CUX1: variants seen among roughly 807,000 people sequenced by gnomAD.
CUX1 encodes the protein cut like homeobox 1.
Under a neutral mutation model 158.8 loss-of-function variants are expected in CUX1, and 31 were observed. The observed-to-expected ratio is 0.20, with a 90% CI of 0.15 to 0.26. The LOEUF (loss-of-function observed/expected upper bound fraction) is 0.26. Ranked by LOEUF, CUX1 falls within the 10% of genes least tolerant of loss-of-function variation. CUX1 has a pLI of 1.00. For missense variants in CUX1, 1,589 were observed against 2,014.6 expected (o/e 0.79, Z 4.04); for synonymous variants, 879 against 862.1 (o/e 1.02, Z -0.34).
chr7:101,947,802 A>G (rs1808577437), intron 2 of CUX1, among the ~76,000 whole-genome samples: 1 of 152,230 alleles, frequency 6.6e-6, no homozygotes, highest in Non-Finnish European at 1.5e-5. Context: ...TTACTTAGCC[A>G]TTCCACTGGC....
chr7:102,084,858 C>CTTTTTTTTTTTTTTTTTTTT (rs60908109), intron 4 of CUX1, among the ~76,000 whole-genome samples: 1 of 56,048 alleles, frequency 1.8e-5, no homozygotes, highest in Non-Finnish European at 3.3e-5. Context: ...ATTTTCCTTG[C>CTTTTTTTTTTTTTTTTTTTT]TTTTTTTTTT....
rs1353307850 is a variant in CUX1 at position 102,234,133 on chromosome 7, A to G, written c.3515A>G (p.His1172Arg). Residue 1172 changes from histidine to arginine, a missense_variant, in exon 22 of 24, where the codon CAT becomes CGT. By Grantham distance (29) the His-to-Arg change is conservative. Around this residue, in one of 8 missense-constraint regions of CUX1, gnomAD observed 259 missense variants for 373.8 expected, o/e 0.69. Transcript: ENST00000292535. ...SDLLARPKPW[H>R]KLSLKGREPF... Reference sequence around the variant, plus strand: ...CTCCTTGCCCGCCCCAAACCCTGGCATAAGCTCAGTCTGAAAGGACGAGAG... The same window carrying G: ...CTCCTTGCCCGCCCCAAACCCTGGCGTAAGCTCAGTCTGAAAGGACGAGAG... The G allele has an allele frequency of 1.9e-6, 3 of 1,603,260 alleles. No individual in the cohort carries two copies. Among genetic ancestry groups the G allele is most frequent in the Non-Finnish European group, 2.6e-6 (3 of 1,175,594 alleles).
intron 2 of CUX1, among the ~76,000 whole-genome samples, chr7:101,946,544 C>CAAAAA (rs386410843): frequency 3.8e-5 from 3 of 78,160 alleles, no homozygotes; most frequent in African/African-American, 5.6e-5. Flanking sequence ...GACTCCGTCT[C>CAAAAA]AAAAAAAAAA....
chr7:101,831,918 A>G (rs1252190267), intron 1 of CUX1, among the ~76,000 whole-genome samples: 2 of 147,570 alleles, frequency 1.4e-5, no homozygotes, highest in East Asian at 2.0e-4. Context: ...ACTTTTTTGT[A>G]TTTTTTGTAG....
At position 102,248,815 on chromosome 7, in the gene CUX1, G is replaced by GGCCCCGCGGCCCCGA. The variant is rs1359496482; in HGVS notation, c.4294_4308dup (p.Pro1432_Ser1436dup). Reference sequence around the variant, plus strand: ...CTCAGCCGCCGCCGCGCCGGGGGAGGGCCCCGCGGCCCCGAGCTCCGCGCC... The same window carrying GGCCCCGCGGCCCCGA: ...CTCAGCCGCCGCCGCGCCGGGGGAGGGCCCCGCGGCCCCGAGCCCCGCGGCCCCGAGCTCCGCGCC... On this transcript the variant is annotated inframe_insertion, in exon 24 of 24. Transcript: ENST00000292535. The surrounding 1 kb of genome is among the most constrained non-coding windows in gnomAD (Gnocchi z 5.8). 28 of 1,127,046 alleles carry GGCCCCGCGGCCCCGA rather than the reference G, an allele frequency of 2.5e-5. No individual in the cohort carries two copies. The East Asian group carries it at 1.2e-3, about 48-fold the overall frequency. 69.8% of individuals were successfully genotyped at this position (1,127,046 alleles called of 1,614,324 possible).
At chr7:102,006,194 A>C (rs1022223017) in intron 2 of CUX1, among the ~76,000 whole-genome samples, 8 of 152,252 alleles carry the variant, frequency 5.3e-5, no homozygotes, top group African/African-American at 1.7e-4. Flanking sequence ...CGCGGGGTCC[A>C]CTGGCTCGGA....
At position 102,111,785 on chromosome 7, in the gene CUX1, C is replaced by G. The variant is rs2131076001; in HGVS notation, c.607+11C>G. On this transcript the variant is annotated intron_variant, in intron 7 of 23. Transcript: ENST00000292535. ...AGAGCCTACAAACAGGTTTGATACTCTCCTTCCTAGTACCATGGATGTGGG... is the reference window on the plus strand; with the variant it reads ...AGAGCCTACAAACAGGTTTGATACTGTCCTTCCTAGTACCATGGATGTGGG... 6.2e-7 allele frequency: 1 copy of G among 1,611,520 alleles called. No individual in the cohort carries two copies. The highest frequency in any genetic ancestry group is 2.2e-5 in the East Asian group (1 of 44,874).
At chr7:101,977,341 C>T (rs569962603) in intron 2 of CUX1, among the ~76,000 whole-genome samples, 1 of 152,170 alleles carries the variant, frequency 6.6e-6, no homozygotes, top group Non-Finnish European at 1.5e-5. Context: ...CCTACATTGG[C>T]TGCCACTCCT....
chr7:102,064,547 G>A (rs759069399), intron 3 of CUX1, among the ~76,000 whole-genome samples: 9 of 151,884 alleles, frequency 5.9e-5, no homozygotes, highest in Non-Finnish European at 2.9e-5. Context: ...TCCAAGGCAT[G>A]CAGTGGATGG....
At position 101,902,335 on chromosome 7, in the gene CUX1, A is replaced by C. The variant is rs573360543; in HGVS notation, c.31-13780A>C. On this transcript the variant is annotated intron_variant, in intron 1 of 23. Coordinates refer to ENST00000292535, the MANE Select transcript of CUX1 (RefSeq NM_181552.4). ...AATGGTTAATAGCGTTATCCTCAGG[A>C]CCTGGGGGTCATTGGAGGCCAGCAC... 2.5e-4 allele frequency among the ~76,000 whole-genome samples: 38 copies of C among 152,172 alleles called. No homozygotes were observed. The South Asian group carries it at 2.7e-3, about 11-fold the overall frequency.
At chr7:102,174,711 C>T (rs113300211) in intron 10 of CUX1, among the ~76,000 whole-genome samples, 9,906 of 152,208 alleles carry the variant, frequency 0.065, 444 homozygotes, top group African/African-American at 0.12. Context: ...TTTGGGAGGC[C>T]AAGGCAGGCG....
At chr7:102,174,342 C>T (rs1356885425) in intron 10 of CUX1, among the ~76,000 whole-genome samples, 1 of 152,148 alleles carries the variant, frequency 6.6e-6, no homozygotes, top group East Asian at 1.9e-4. Context: ...TGGTCTCAAA[C>T]TCCTGACCTC....
intron 2 of CUX1, among the ~76,000 whole-genome samples, chr7:101,927,208 A>C (rs995308805): frequency 6.6e-6 from 1 of 152,014 alleles, no homozygotes; most frequent in African/African-American, 2.4e-5. Context: ...TGAAATAACC[A>C]TTGATTAATT....
intron 14 of CUX1, 73 bp downstream of exon 14, chr7:102,195,676 G>C: frequency 1.5e-6 from 2 of 1,372,660 alleles, no homozygotes; most frequent in Non-Finnish European, 2.0e-6. Context: ...CGAGGAAGGT[G>C]AATCGTGAGT....
At chr7:102,148,916 A>G (rs1554502830) in intron 8 of CUX1, among the ~76,000 whole-genome samples, 1 of 151,642 alleles carries the variant, frequency 6.6e-6, no homozygotes, top group East Asian at 1.9e-4. Flanking sequence ...GAGTGAGAAC[A>G]TACAATGTTT....
chr7:101,907,722 C>T (rs575552668), intron 1 of CUX1, among the ~76,000 whole-genome samples: 2 of 151,880 alleles, frequency 1.3e-5, no homozygotes, highest in South Asian at 2.1e-4. Flanking sequence ...ATGGAGCCCA[C>T]GAAGAGAACA....
chr7:102,146,562 C>T (rs1482959634), intron 8 of CUX1, among the ~76,000 whole-genome samples: 1 of 152,152 alleles, frequency 6.6e-6, no homozygotes, highest in Non-Finnish European at 1.5e-5. Flanking sequence ...GAGGCTTAAC[C>T]AAACTCGTTC....
At chr7:102,088,688 G>GT (rs1554481320) in intron 4 of CUX1, among the ~76,000 whole-genome samples, 2 of 152,128 alleles carry the variant, frequency 1.3e-5, no homozygotes, top group African/African-American at 2.4e-5. Flanking sequence ...TTGGGTTCTG[G>GT]TTTTTTCTCT....
intron 2 of CUX1, among the ~76,000 whole-genome samples, chr7:101,975,418 A>G (rs968720522): frequency 2.0e-5 from 3 of 151,742 alleles, no homozygotes; most frequent in African/African-American, 7.3e-5. Context: ...TCAGCTAGGC[A>G]TGGTGGCATG....
Sources: gnomAD v4.1 joint callset for allele counts (sites outside exome capture counted in the v4.1 genomes callset) on GRCh38, gnomAD v4.1.1 for gene constraint, gnomAD v4.1.1 regional missense constraint, Gnocchi (gnomAD v3.1) non-coding constraint, MANE v1.5 for transcripts, NCBI Gene and HGNC (gene_info 2026-07-23, HGNC 2026-07-21) for gene names.